UBTD2: variants seen among roughly 807,000 people sequenced by gnomAD.
UBTD2 encodes the protein ubiquitin domain-containing protein 2.
UBTD2 carries 9 observed loss-of-function variants against 19.8 expected under a neutral mutation model. That is an observed-to-expected ratio of 0.46 (90% CI 0.27 to 0.79). The LOEUF is 0.79. Ranked by LOEUF, UBTD2 falls within the 30% of genes least tolerant of loss-of-function variation. The probability of loss-of-function intolerance (pLI) is 0.14; values close to 1 mark genes in which losing one functional copy is unlikely to be tolerated. For synonymous variants in UBTD2, 98 were observed against 103.9 expected, an observed-to-expected ratio of 0.94 and a Z score of 0.35; for missense variants, 250 against 300.4, an observed-to-expected ratio of 0.83 and a Z score of 1.24.
intron 1 of UBTD2, among the ~76,000 whole-genome samples, chr5:172,282,318 A>G (rs6888888): frequency 0.33 from 50,070 of 152,012 alleles, 8,366 homozygotes; most frequent in South Asian, 0.42. Flanking sequence ...AATACACTAT[A>G]AAGTAGCATT....
At chr5:172,220,717 AGGAT>A (rs1771634538) in intron 2 of UBTD2, among the ~76,000 whole-genome samples, 1 of 152,240 alleles carries the variant, frequency 6.6e-6, no homozygotes, top group Non-Finnish European at 1.5e-5. Context: ...GAACAAGACA[AGGAT>A]GTCCCCTCTC....
intron 1 of UBTD2, among the ~76,000 whole-genome samples, chr5:172,267,620 C>T (rs1755403056): frequency 6.6e-6 from 1 of 152,118 alleles, no homozygotes; most frequent in African/African-American, 2.4e-5. Context: ...CTTCTGAGTA[C>T]AGCTGATGAT....
rs1017969510 is a variant in UBTD2, at chr5:172,211,575, T to A, written c.*255A>T. 5.2e-6 allele frequency: 2 copies of A among 382,428 alleles called. No individual in the cohort carries two copies. Among genetic ancestry groups the A allele is most frequent in the South Asian group, 7.4e-5 (1 of 13,462 alleles). The allele number at this position is 382,428 out of a possible 1,614,324, so 23.7% of individuals were successfully genotyped here. A position where few individuals can be genotyped will look rare whatever the true frequency, so the allele number is the denominator to read the frequency against. On this transcript the variant is annotated 3_prime_UTR_variant, in exon 3 of 3. Transcript: ENST00000393792. ...TAGTTGTTGAGTGTTCTAAAATAAA[T>A]GGTTATCTATTTCTTAACTGCCTTT...
At chr5:172,232,244 G>A (rs1325171775) in intron 2 of UBTD2, among the ~76,000 whole-genome samples, 1 of 151,402 alleles carries the variant, frequency 6.6e-6, no homozygotes, top group East Asian at 1.9e-4. Context: ...CTGCACTCCA[G>A]CCTGGGCAAC....
At chr5:172,236,758 A>C (rs1428970024) in intron 1 of UBTD2, among the ~76,000 whole-genome samples, 1 of 152,202 alleles carries the variant, frequency 6.6e-6, no homozygotes, top group Admixed American at 6.5e-5. Flanking sequence ...AATGCATGAG[A>C]GATAACTCAG....
In UBTD2 at chr5:172,283,061, A is replaced by G. The variant is rs1744023341; in HGVS notation, c.70+535T>C. Among the ~76,000 whole-genome samples the G allele has an allele frequency of 6.6e-6, 1 of 152,146 alleles. No homozygotes were observed. Among genetic ancestry groups the G allele is most frequent in the Non-Finnish European group, 1.5e-5 (1 of 68,030 alleles). ...GCCTGCGGCCACTGGAGACTCCTCC[A>G]GCCGAGCTCCAGAAACTCGCAGGTT... On this transcript the variant is annotated intron_variant, in intron 1 of 2. Transcript: ENST00000393792. This position sits in a 1 kb window ranked among gnomAD's most constrained non-coding sequence, Gnocchi z 4.3.
At chr5:172,268,311 G>A (rs1029610894) in intron 1 of UBTD2, among the ~76,000 whole-genome samples, 4 of 152,080 alleles carry the variant, frequency 2.6e-5, no homozygotes, top group African/African-American at 9.7e-5. Context: ...TATCCTAGTT[G>A]GAACGTAGAA....
At chr5:172,232,188 G>A (rs1483031768) in intron 2 of UBTD2, among the ~76,000 whole-genome samples, 3 of 152,248 alleles carry the variant, frequency 2.0e-5, no homozygotes, top group East Asian at 1.9e-4. Flanking sequence ...CATGAAAATT[G>A]CTTGAACCTG....
chr5:172,220,008 C>G (rs1041839247), intron 2 of UBTD2, among the ~76,000 whole-genome samples: 1 of 149,032 alleles, frequency 6.7e-6, no homozygotes, highest in African/African-American at 2.5e-5. Flanking sequence ...CCAACATTAC[C>G]CTAATACCAA....
rs373836154 is a variant in UBTD2, at chr5:172,283,005, A to C, written c.70+591T>G. On this transcript the variant is annotated intron_variant, in intron 1 of 2. Transcript: ENST00000393792. This position sits in a 1 kb window ranked among gnomAD's most constrained non-coding sequence, Gnocchi z 4.3. ...GCTAGGAGCCACGTTTTACCCGGGAAGACCGTTTCCCCACCCCTCCTTAAT... is the reference window on the plus strand; with the variant it reads ...GCTAGGAGCCACGTTTTACCCGGGACGACCGTTTCCCCACCCCTCCTTAAT... 6.6e-6 allele frequency among the ~76,000 whole-genome samples: 1 copy of C among 152,148 alleles called. No homozygotes were observed. Among genetic ancestry groups the C allele is most frequent in the African/African-American group, 2.4e-5 (1 of 41,430 alleles).
chr5:172,213,686 A>G lies in UBTD2; in HGVS notation c.308-1459T>C, dbSNP rs543012387. ...GGACTCAAAACTCCTGGGCTCAAGC[A>G]ATCCTCCTGCCTCCACCTCCTGAGT... is the stretch of plus-strand genomic sequence containing the variant. On this transcript the variant is annotated intron_variant, in intron 2 of 2. Transcript: ENST00000393792. Among the ~76,000 whole-genome samples, 4 of 152,330 alleles carry G rather than the reference A, an allele frequency of 2.6e-5. No homozygotes were observed. The East Asian group carries it at 7.7e-4, about 29-fold the overall frequency.
At chr5:172,216,507 C>A (rs761603220) in intron 2 of UBTD2, among the ~76,000 whole-genome samples, 1 of 141,128 alleles carries the variant, frequency 7.1e-6, no homozygotes, top group Non-Finnish European at 1.5e-5. Context: ...AACTCCAGCA[C>A]TTTGCGAGGC....
intron 2 of UBTD2, among the ~76,000 whole-genome samples, chr5:172,220,689 G>T (rs1412405373): frequency 1.3e-5 from 2 of 152,090 alleles, no homozygotes; most frequent in Non-Finnish European, 2.9e-5. Flanking sequence ...GAAACTCAAA[G>T]CTTTCCTACT....
chr5:172,227,884 T>C (rs1307331909), intron 2 of UBTD2, among the ~76,000 whole-genome samples: 1 of 151,868 alleles, frequency 6.6e-6, no homozygotes, highest in Non-Finnish European at 1.5e-5. Context: ...TTTCGCCATG[T>C]TGGCTAGGCT....
At chr5:172,225,397 A>T (rs1771745383) in intron 2 of UBTD2, among the ~76,000 whole-genome samples, 1 of 152,268 alleles carries the variant, frequency 6.6e-6, no homozygotes, top group Non-Finnish European at 1.5e-5. Flanking sequence ...TAAGAACGAT[A>T]AAACTAAATT....
intron 1 of UBTD2, among the ~76,000 whole-genome samples, chr5:172,253,442 A>T (rs7735804): frequency 0.32 from 48,291 of 150,314 alleles, 7,859 homozygotes; most frequent in South Asian, 0.42. Flanking sequence ...GATATTGTCA[A>T]TATCAACCCT....
chr5:172,242,905 G>GT (rs770732391), intron 1 of UBTD2, among the ~76,000 whole-genome samples: 21 of 152,110 alleles, frequency 1.4e-4, no homozygotes, highest in Non-Finnish European at 2.5e-4. Context: ...TTTAGTAGTA[G>GT]TAAGGATTCA....
intron 2 of UBTD2, among the ~76,000 whole-genome samples, chr5:172,219,973 G>A (rs1258293146): frequency 6.6e-6 from 1 of 152,186 alleles, no homozygotes; most frequent in East Asian, 1.9e-4. Flanking sequence ...GGGTACCACT[G>A]TACTTCCTAA....
At chr5:172,213,335 T>C (rs776000555) in intron 2 of UBTD2, among the ~76,000 whole-genome samples, 8 of 152,176 alleles carry the variant, frequency 5.3e-5, no homozygotes, top group Non-Finnish European at 1.0e-4. Flanking sequence ...AAGAAGTCCT[T>C]AGTCCAGAGA....
Sources: gnomAD v4.1 joint callset for allele counts (sites outside exome capture counted in the v4.1 genomes callset) on GRCh38, gnomAD v4.1.1 for gene constraint, Gnocchi (gnomAD v3.1) non-coding constraint, MANE v1.5 for transcripts, NCBI Gene and HGNC (gene_info 2026-07-23, HGNC 2026-07-21) for gene names.